Variants in STRA6 observed in about 807,000 individuals in gnomAD.
STRA6 encodes receptor for retinol uptake STRA6.
A neutral mutation model predicts 83.6 loss-of-function variants in STRA6; 48 were observed. That is an observed-to-expected ratio of 0.57 (90% CI 0.46 to 0.73). STRA6 has a LOEUF of 0.73. Among genes scored for constraint, STRA6 ranks in the 30% least tolerant of loss-of-function variants. The probability of loss-of-function intolerance (pLI) is 0.00; values close to 1 mark genes in which losing one functional copy is unlikely to be tolerated. For missense variants in STRA6, 760 were observed against 838.8 expected, an observed-to-expected ratio of 0.91 and a Z score of 1.16; for synonymous variants, 353 against 362.3, an observed-to-expected ratio of 0.97 and a Z score of 0.29.
At chr15:74,185,124 C>A in intron 12 of STRA6, 69 bp from the exon 13 acceptor site, 1 of 1,515,326 alleles carries the variant, frequency 6.6e-7, no homozygotes, top group African/African-American at 1.4e-5. Flanking sequence ...CTCAGAACCC[C>A]TGCCAGGGTG....
intron 7 of STRA6, chr15:74,194,785 G>A: frequency 7.8e-7 from 1 of 1,276,804 alleles, no homozygotes; most frequent in Non-Finnish European, 9.8e-7. Context: ...TCACACTCAG[G>A]TTGTCTGGCT....
intron 2 of STRA6, 160 bp from the exon 3 acceptor site, chr15:74,197,978 G>T: frequency 1.3e-6 from 1 of 745,168 alleles, no homozygotes; most frequent in Non-Finnish European, 2.3e-6. Context: ...CCTTCTCAGG[G>T]TCATTCTGGG....
chr15:74,185,141 T>C (rs766533998), intron 12 of STRA6, 86 bp from the exon 13 acceptor site: 5 of 1,346,800 alleles, frequency 3.7e-6, no homozygotes, highest in Non-Finnish European at 5.3e-6. Flanking sequence ...GGTGGTGCCT[T>C]GTGGGGAGTT....
chr15:74,198,094 G>A (rs1477302903), intron 2 of STRA6, among the ~76,000 whole-genome samples: 1 of 151,794 alleles, frequency 6.6e-6, no homozygotes, highest in Non-Finnish European at 1.5e-5. Context: ...GGCTCGGCCT[G>A]ATCACTTATT....
intron 17 of STRA6, 92 bp from the exon 18 acceptor site, chr15:74,181,029 G>A (rs377617295): frequency 3.6e-5 from 55 of 1,543,054 alleles, no homozygotes; most frequent in East Asian, 2.0e-4. Context: ...GGGAGTGCAC[G>A]TGCACTCCCT....
At chr15:74,181,176 C>A in intron 17 of STRA6, 119 bp downstream of exon 17, 1 of 1,473,726 alleles carries the variant, frequency 6.8e-7, no homozygotes, top group Non-Finnish European at 9.2e-7. Flanking sequence ...ACAGGTGGCA[C>A]ATGCAGCTAC....
In STRA6 at chr15:74,187,021, C is replaced by T. The variant is rs117309509; in HGVS notation, c.1091-1966G>A. ...TCAGAAGCAAGGTTGGGAGAAAGCA[C>T]TGTGCATGCATAGCTCCAGCCTCTG... On this transcript the variant is annotated intron_variant, in intron 12 of 18. Transcript: ENST00000395105. Among the ~76,000 whole-genome samples the T allele has an allele frequency of 1.2e-3, 182 of 152,364 alleles. 1 individual carries two copies. In the East Asian group the frequency reaches 0.031, roughly 26 times the overall value.
At chr15:74,207,779 G>A (rs1271782869), upstream of STRA6, 23 of 1,535,728 alleles carry the variant, frequency 1.5e-5, no homozygotes, top group Non-Finnish European at 1.9e-5. Flanking sequence ...CTTGGGGTGT[G>A]CCCTCAGTGG....
chr15:74,183,653 C>T, intron 14 of STRA6: 4 of 1,470,656 alleles, frequency 2.7e-6, no homozygotes, highest in East Asian at 2.5e-5. Context: ...ACTCAATTTC[C>T]CGAGGGCTCC....
chr15:74,180,642 AG>A, intron 18 of STRA6, 139 bp downstream of exon 18: 1 of 1,186,044 alleles, frequency 8.4e-7, no homozygotes, highest in Non-Finnish European at 1.2e-6. Context: ...TCAGACCAGG[AG>A]GGGTGACCAA....
At chr15:74,197,636 T>A in intron 3 of STRA6, 116 bp downstream of exon 3, 1 of 1,392,772 alleles carries the variant, frequency 7.2e-7, no homozygotes, top group Non-Finnish European at 9.9e-7. Flanking sequence ...CCCAGATAGC[T>A]CCCCCCACCC....
chr15:74,195,897 T>C lies in STRA6; in HGVS notation c.406+111A>G, dbSNP rs35255788. 273,403 of 1,475,066 alleles carry C rather than the reference T, an allele frequency of 0.19. 28,941 individuals carry two copies. The highest frequency in any genetic ancestry group is 0.21 in the Non-Finnish European group (232,418 of 1,082,844). 91.4% of individuals were successfully genotyped at this position (1,475,066 alleles called of 1,614,324 possible). A position where few individuals can be genotyped will look rare whatever the true frequency, so the allele number is the denominator to read the frequency against. On this transcript the variant is annotated intron_variant, in intron 5 of 18. Transcript: ENST00000395105. ...CGTCTCAGGATAGCAGCCCATCTCA[T>C]TGACAGCTGTTCCTGTTACTCTCAT...
intron 17 of STRA6, 94 bp downstream of exon 17, chr15:74,181,201 A>C: frequency 3.9e-6 from 6 of 1,545,072 alleles, no homozygotes; most frequent in Non-Finnish European, 5.3e-6. Context: ...ATCGGTGTGA[A>C]CTGATCAGCT....
chr15:74,196,004 G>T lies in STRA6; in HGVS notation c.406+4C>A, dbSNP rs747093674. Reference sequence around the variant, plus strand: ...AACCCCAGGGCCTGGGGGTCAGTGGGTACCTTGGCTGGGTGCTGAGGCGAG... The same window carrying T: ...AACCCCAGGGCCTGGGGGTCAGTGGTTACCTTGGCTGGGTGCTGAGGCGAG... On this transcript the variant is annotated splice_donor_region_variant and intron_variant, in intron 5 of 18. Transcript: ENST00000395105. The T allele has an allele frequency of 1.2e-6, 2 of 1,613,732 alleles. No individual in the cohort carries two copies. The highest frequency in any genetic ancestry group is 1.7e-6 in the Non-Finnish European group (2 of 1,179,956).
chr15:74,207,975 G>T lies in STRA6; in HGVS notation c.-16+825C>A, dbSNP rs2074300916. 34 of 1,426,708 alleles carry T rather than the reference G, an allele frequency of 2.4e-5. No individual in the cohort carries two copies. In the South Asian group the frequency reaches 5.1e-4, roughly 21 times the overall value. The allele number at this position is 1,426,708 out of a possible 1,614,324, so 88.4% of individuals were successfully genotyped here. On this transcript the variant is annotated intron_variant, in intron 1 of 18. Coordinates refer to the STRA6 transcript ENST00000323940. The stretch of plus-strand genomic sequence containing the variant: ...CTCTACCTCCTACCTCCCCTGCCAT[G>T]TGGGAGGGTCAGAAGCACCATCTGA...
chr15:74,196,861 G>A (rs1002608199), intron 4 of STRA6, among the ~76,000 whole-genome samples: 4 of 152,182 alleles, frequency 2.6e-5, no homozygotes, highest in Non-Finnish European at 5.9e-5. Context: ...ATCTCCTCAG[G>A]ATCATGCCTG....
At chr15:74,197,220 A>AT in intron 4 of STRA6, 118 bp downstream of exon 4, 2 of 729,712 alleles carry the variant, frequency 2.7e-6, no homozygotes, top group South Asian at 3.3e-5. Context: ...GCTGAGGGCG[A>AT]TAGGGATGTC....
intron 7 of STRA6, among the ~76,000 whole-genome samples, chr15:74,194,204 A>G (rs2073699654): frequency 6.6e-6 from 1 of 152,012 alleles, no homozygotes; most frequent in Non-Finnish European, 1.5e-5. Context: ...CCTGCCCCCC[A>G]CTGGAAAGGA....
Position 74,197,661 on chromosome 15 carries a change from C to A in STRA6, c.180+91G>T, listed in dbSNP as rs542269177. ...TCCCCCCACCCAGGATCTTCCAGGG[C>A]CCCCCTTCACCAGCCCCAGTGGGGA... On this transcript the variant is annotated intron_variant, in intron 3 of 18. Coordinates refer to ENST00000395105, the MANE Select transcript of STRA6 (RefSeq NM_022369.4). 38 of 1,516,262 alleles carry A rather than the reference C, an allele frequency of 2.5e-5. 1 individual carries two copies. The highest frequency in any genetic ancestry group is 2.0e-4 in the South Asian group (17 of 85,820). 93.9% of individuals were successfully genotyped at this position (1,516,262 alleles called of 1,614,324 possible). A position where few individuals can be genotyped will look rare whatever the true frequency, so the allele number is the denominator to read the frequency against.
Sources: allele counts gnomAD v4.1 joint callset (sites outside exome capture counted in the v4.1 genomes callset), GRCh38; gene constraint gnomAD v4.1.1; transcripts MANE v1.5; gene names NCBI Gene and HGNC (gene_info 2026-07-23, HGNC 2026-07-21).